CNTNAP5: variants seen among roughly 807,000 people sequenced by gnomAD.
CNTNAP5 encodes contactin associated protein family member 5.
In CNTNAP5, 72 loss-of-function variants were observed where a neutral mutation model predicts 150.2. That is an observed-to-expected ratio of 0.48 (90% confidence interval 0.40 to 0.58). CNTNAP5 has a LOEUF of 0.58. CNTNAP5 is among the 20% of genes least tolerant of loss of function. CNTNAP5 has a pLI of 0.00. For synonymous variants in CNTNAP5, 672 were observed against 619.8 expected (o/e 1.08, Z -1.25); for missense variants, 1,636 against 1,626.2 (o/e 1.01, Z -0.10).
chr2:124,076,219 G>A (rs904538426), intron 1 of CNTNAP5, among the ~76,000 whole-genome samples: 3 of 152,092 alleles, frequency 2.0e-5, no homozygotes, highest in South Asian at 2.1e-4. Context: ...GTCTCGACTC[G>A]AACCCTGACT....
chr2:124,382,933 C>T (rs1690834879), intron 3 of CNTNAP5, among the ~76,000 whole-genome samples: 1 of 152,002 alleles, frequency 6.6e-6, no homozygotes, highest in Admixed American at 6.6e-5. Flanking sequence ...CTTAACATTC[C>T]TCGGATTCTG....
chr2:124,271,295 CA>C (rs1203203228), intron 3 of CNTNAP5, among the ~76,000 whole-genome samples: 1 of 151,568 alleles, frequency 6.6e-6, no homozygotes, highest in East Asian at 1.9e-4. Context: ...CAGCAAGAGA[CA>C]AAATTAGGAG....
chr2:124,076,555 A>G (rs1262553233), intron 1 of CNTNAP5, among the ~76,000 whole-genome samples: 1 of 152,030 alleles, frequency 6.6e-6, no homozygotes, highest in African/African-American at 2.4e-5. Flanking sequence ...TTTTACCACA[A>G]ACACTCTCTT....
At chr2:124,181,474 A>T (rs1186583680) in intron 1 of CNTNAP5, among the ~76,000 whole-genome samples, 3 of 151,988 alleles carry the variant, frequency 2.0e-5, no homozygotes, top group East Asian at 1.9e-4. Context: ...TTACATTTTT[A>T]AAATTATTTC....
intron 19 of CNTNAP5, among the ~76,000 whole-genome samples, chr2:124,848,152 T>C (rs369931422): frequency 6.6e-6 from 1 of 152,122 alleles, no homozygotes; most frequent in Non-Finnish European, 1.5e-5. Flanking sequence ...CACTTTGTAA[T>C]TGAAAATTTG....
intron 19 of CNTNAP5, among the ~76,000 whole-genome samples, chr2:124,800,762 G>A (rs1183004503): frequency 1.3e-5 from 2 of 152,146 alleles, no homozygotes; most frequent in Non-Finnish European, 1.5e-5. Context: ...CTACATGCAG[G>A]AATCAAGAAG....
intron 7 of CNTNAP5, among the ~76,000 whole-genome samples, chr2:124,475,544 C>G (rs1180726572): frequency 5.3e-5 from 8 of 151,966 alleles, no homozygotes; most frequent in Non-Finnish European, 8.8e-5. Flanking sequence ...CAGTTCTATC[C>G]ATTTTTGGTT....
intron 2 of CNTNAP5, among the ~76,000 whole-genome samples, chr2:124,241,817 TAGTC>T (rs1226142098): frequency 2.0e-5 from 3 of 151,940 alleles, no homozygotes; most frequent in African/African-American, 7.3e-5. Flanking sequence ...AACGATATAT[TAGTC>T]AGAGAGAGAG....
chr2:124,502,906 G>A (rs990159346), intron 7 of CNTNAP5, among the ~76,000 whole-genome samples: 1 of 152,136 alleles, frequency 6.6e-6, no homozygotes, highest in Non-Finnish European at 1.5e-5. Flanking sequence ...TAGGCACATG[G>A]CTTTTGCTAA....
intron 2 of CNTNAP5, among the ~76,000 whole-genome samples, chr2:124,228,082 G>A (rs530321239): frequency 1.3e-5 from 2 of 152,166 alleles, no homozygotes; most frequent in Non-Finnish European, 2.9e-5. Flanking sequence ...TGAGTCCAAA[G>A]ATCTGAGAAC....
At chr2:124,054,366 A>T (rs982720064) in intron 1 of CNTNAP5, among the ~76,000 whole-genome samples, 6 of 152,138 alleles carry the variant, frequency 3.9e-5, no homozygotes, top group African/African-American at 7.2e-5. Flanking sequence ...TGTATTTTTT[A>T]AAAATTAGAG....
intron 3 of CNTNAP5, among the ~76,000 whole-genome samples, chr2:124,301,303 C>T (rs1316590002): frequency 6.6e-6 from 1 of 152,200 alleles, no homozygotes; most frequent in African/African-American, 2.4e-5. Flanking sequence ...GTTAAACTAT[C>T]ATGCCTTTCA....
At chr2:124,715,289 CT>C (rs1558747821) in intron 13 of CNTNAP5, among the ~76,000 whole-genome samples, 2 of 152,256 alleles carry the variant, frequency 1.3e-5, no homozygotes, top group African/African-American at 4.8e-5. Flanking sequence ...ACATTTAGAT[CT>C]TGTTACTTAG....
chr2:124,249,418 T>C (rs1313692143), intron 3 of CNTNAP5, among the ~76,000 whole-genome samples: 4 of 152,192 alleles, frequency 2.6e-5, no homozygotes, highest in African/African-American at 9.6e-5. Context: ...CTGCACTCTC[T>C]GAAGTCTGCT....
At chr2:124,710,695 C>T (rs1453949071) in intron 13 of CNTNAP5, among the ~76,000 whole-genome samples, 2 of 152,206 alleles carry the variant, frequency 1.3e-5, no homozygotes, top group Non-Finnish European at 2.9e-5. Context: ...CCTTAATTCA[C>T]TGCAGACTGA....
chr2:124,286,219 G>T (rs952195942), intron 3 of CNTNAP5, among the ~76,000 whole-genome samples: 2 of 152,148 alleles, frequency 1.3e-5, no homozygotes, highest in Non-Finnish European at 2.9e-5. Context: ...GAATCTGCCT[G>T]GCTCTGGCTC....
chr2:124,849,817 C>T (rs1683119433), intron 19 of CNTNAP5, among the ~76,000 whole-genome samples: 1 of 152,168 alleles, frequency 6.6e-6, no homozygotes, highest in African/African-American at 2.4e-5. Context: ...GTATTTTAGT[C>T]TTTTGCTCTG....
At chr2:124,529,327 T>C (rs1484954905) in intron 10 of CNTNAP5, among the ~76,000 whole-genome samples, 1 of 152,192 alleles carries the variant, frequency 6.6e-6, no homozygotes, top group African/African-American at 2.4e-5. Context: ...AAGCAAGCTC[T>C]CATTATTTTT....
chr2:124,191,228 A>G (rs189494074), intron 1 of CNTNAP5, among the ~76,000 whole-genome samples: 27 of 152,316 alleles, frequency 1.8e-4, no homozygotes, highest in Non-Finnish European at 3.4e-4. Context: ...ACAAATCCAT[A>G]TGACACAGAT....
Sources: gnomAD v4.1 joint callset for allele counts (sites outside exome capture counted in the v4.1 genomes callset) on GRCh38, gnomAD v4.1.1 for gene constraint, MANE v1.5 for transcripts, NCBI Gene and HGNC (gene_info 2026-07-23, HGNC 2026-07-21) for gene names.